The following CNGB3 variants were observed in gnomAD, a reference collection of about 807,000 sequenced individuals.
CNGB3 encodes cyclic nucleotide-gated channel beta-3.
In CNGB3, 86 loss-of-function variants were observed where a neutral mutation model predicts 92.8. The observed-to-expected ratio is 0.93, with a 90% CI of 0.78 to 1.11. The LOEUF (loss-of-function observed/expected upper bound fraction) is 1.11, where lower values mean the gene tolerates loss of function less well. Among genes scored for constraint, CNGB3 ranks in the 50% least tolerant of loss-of-function variants. CNGB3 has a pLI of 0.00. For synonymous variants in CNGB3, 333 were observed against 332.7 expected (o/e 1.00, Z -0.01); for missense variants, 1,026 against 956.8 (o/e 1.07, Z -0.95).
chr8:86,591,419 A>C (rs376275121), intron 15 of CNGB3, among the ~76,000 whole-genome samples: 95 of 151,342 alleles, frequency 6.3e-4, no homozygotes, highest in Non-Finnish European at 1.1e-3. Flanking sequence ...AGGCACTCTG[A>C]TTTTTAGAGT....
chr8:86,717,904 CT>C (rs1298073950), intron 3 of CNGB3, among the ~76,000 whole-genome samples: 2 of 152,128 alleles, frequency 1.3e-5, no homozygotes, highest in African/African-American at 4.8e-5. Context: ...TGACCTGTTC[CT>C]GAATGATCAC....
At chr8:86,712,066 A>G (rs2131659564) in intron 3 of CNGB3, among the ~76,000 whole-genome samples, 1 of 152,128 alleles carries the variant, frequency 6.6e-6, no homozygotes, top group Admixed American at 6.6e-5. Context: ...TTTGAAAAAG[A>G]GAAAATGAAA....
chr8:86,633,043 G>A (rs1405636869), intron 10 of CNGB3, 150 bp from the exon 11 acceptor site: 1 of 720,878 alleles, frequency 1.4e-6, no homozygotes, highest in South Asian at 1.9e-5. Flanking sequence ...CAGCATGTGT[G>A]CTAATGTAAA....
intron 2 of CNGB3, among the ~76,000 whole-genome samples, chr8:86,738,408 A>C (rs1825283023): frequency 6.6e-6 from 1 of 152,188 alleles, no homozygotes; most frequent in Non-Finnish European, 1.5e-5. Flanking sequence ...TAATCTGCTA[A>C]CAGTGTTTGG....
In CNGB3 at chr8:86,672,348, C is replaced by T. The variant is rs550906026; in HGVS notation, c.339-1250G>A. ...TCCTGACCTCAGGTGGTTTGCCTGC[C>T]CTGGCCTCCCAAAGTGCTAGGATTA... is the stretch of plus-strand genomic sequence containing the variant. On this transcript the variant is annotated intron_variant, in intron 3 of 17. Coordinates refer to ENST00000320005, the MANE Select transcript of CNGB3 (RefSeq NM_019098.5). Among the ~76,000 whole-genome samples the T allele has an allele frequency of 1.2e-4, 19 of 152,278 alleles. No homozygotes were observed. The South Asian group carries it at 3.7e-3, about 30-fold the overall frequency.
At chr8:86,647,963 T>C in intron 7 of CNGB3, 76 bp from the exon 8 acceptor site, 1 of 889,614 alleles carries the variant, frequency 1.1e-6, no homozygotes, top group Non-Finnish European at 1.9e-6. Flanking sequence ...CGCTGATGTC[T>C]GTAAAAGTTG....
chr8:86,692,869 G>A (rs1365842430), intron 3 of CNGB3, among the ~76,000 whole-genome samples: 2 of 151,976 alleles, frequency 1.3e-5, no homozygotes, highest in Non-Finnish European at 2.9e-5. Flanking sequence ...TGTATTTTGA[G>A]GTTTTGTTTC....
chr8:86,637,583 C>T (rs1412854565), intron 10 of CNGB3, among the ~76,000 whole-genome samples: 5 of 152,040 alleles, frequency 3.3e-5, no homozygotes, highest in African/African-American at 9.7e-5. Context: ...TATTCTAGCC[C>T]TTGAATACAG....
At chr8:86,664,972 T>C (rs13259390) in intron 6 of CNGB3, among the ~76,000 whole-genome samples, 8,535 of 152,276 alleles carry the variant, frequency 0.056, 267 homozygotes, top group South Asian at 0.093. Flanking sequence ...ACCAGACACA[T>C]GGTTGTTGAG....
intron 15 of CNGB3, among the ~76,000 whole-genome samples, chr8:86,589,638 G>T (rs540183770): frequency 2.0e-5 from 3 of 152,144 alleles, no homozygotes; most frequent in Non-Finnish European, 2.9e-5. Context: ...TTTCCATGTA[G>T]TTGAGCGGTT....
chr8:86,659,858 C>A, intron 6 of CNGB3: 2 of 422,154 alleles, frequency 4.7e-6, no homozygotes, highest in South Asian at 1.9e-5. Flanking sequence ...CCAGATCCTT[C>A]AGGTTAGCAG....
intron 3 of CNGB3, among the ~76,000 whole-genome samples, chr8:86,684,655 C>CA (rs1824148172): frequency 1.3e-5 from 1 of 78,552 alleles, no homozygotes. Flanking sequence ...AATACTTAAG[C>CA]CAAAAAAAAA....
intron 4 of CNGB3, among the ~76,000 whole-genome samples, chr8:86,670,532 T>C (rs1390726295): frequency 2.0e-5 from 3 of 152,104 alleles, no homozygotes; most frequent in African/African-American, 7.2e-5. Context: ...GTTTTTCAGC[T>C]GGATAAAGCC....
chr8:86,637,739 G>A (rs1048909252), intron 10 of CNGB3, among the ~76,000 whole-genome samples: 12 of 151,946 alleles, frequency 7.9e-5, no homozygotes, highest in Non-Finnish European at 2.9e-5. Context: ...AGAGTTTATT[G>A]TTAGTGTGTA....
chr8:86,739,808 C>T, intron 1 of CNGB3, 72 bp from the exon 2 acceptor site: 1 of 1,485,132 alleles, frequency 6.7e-7, no homozygotes, highest in Non-Finnish European at 9.3e-7. Context: ...AAACATAACA[C>T]CATTTTCCAC....
rs578081831 is a variant in CNGB3 at position 86,706,482 on chromosome 8, A to G, written c.338+20049T>C. Among the ~76,000 whole-genome samples, 10 of 152,346 alleles carry G rather than the reference A, an allele frequency of 6.6e-5. No homozygotes were observed. The East Asian group carries it at 1.7e-3, about 26-fold the overall frequency. On this transcript the variant is annotated intron_variant, in intron 3 of 17. Transcript: ENST00000320005. ...GCACTGTATTGAGCTCCAAGTAGGT[A>G]AAAGTGCAACAGCCTTGAGAGCTCT...
chr8:86,668,133 C>G lies in CNGB3; in HGVS notation c.529G>C (p.Asp177His), dbSNP rs561985484. ...PTAVPPVKES[D>H]DKPTEHYYRL... ...TAGTAATGTTCTGTTGGCTTATCAT[C>G]GCTTTCTTTTACTGGTGGTACAGCC... The change falls in exon 5 of 18, where the codon GAT (aspartate) becomes CAT (histidine). Residue 177 changes from aspartate (D) to histidine (H), a missense_variant. Coordinates refer to ENST00000320005, the MANE Select transcript of CNGB3 (RefSeq NM_019098.5). The G allele has an allele frequency of 2.2e-5, 35 of 1,613,404 alleles. No individual in the cohort carries two copies. In the African/African-American group the frequency reaches 3.3e-4, roughly 15 times the overall value.
intron 14 of CNGB3, among the ~76,000 whole-genome samples, chr8:86,609,169 T>C (rs1001894600): frequency 1.3e-5 from 2 of 152,256 alleles, no homozygotes; most frequent in African/African-American, 2.4e-5. Flanking sequence ...TTTCATACTT[T>C]GTTAAACAAA....
At chr8:86,654,881 A>G (rs1823473175) in intron 6 of CNGB3, among the ~76,000 whole-genome samples, 1 of 152,088 alleles carries the variant, frequency 6.6e-6, no homozygotes, top group Admixed American at 6.6e-5. Flanking sequence ...CCACATTTAT[A>G]GTTTCAGAGA....
Sources: gnomAD v4.1 joint callset for allele counts (sites outside exome capture counted in the v4.1 genomes callset) on GRCh38, gnomAD v4.1.1 for gene constraint, MANE v1.5 for transcripts, NCBI Gene and HGNC (gene_info 2026-07-23, HGNC 2026-07-21) for gene names.